The following SEMA5A variants were observed in gnomAD, a reference collection of about 807,000 sequenced individuals.
SEMA5A encodes the protein semaphorin 5A, also known as semaphorin-5A.
A neutral mutation model predicts 135.5 loss-of-function variants in SEMA5A; 55 were observed. That is an observed-to-expected ratio of 0.41 (90% CI 0.33 to 0.51). The LOEUF (loss-of-function observed/expected upper bound fraction) is 0.51, where lower values mean the gene tolerates loss of function less well. Among genes scored for constraint, SEMA5A ranks in the 20% least tolerant of loss-of-function variants. SEMA5A has a pLI of 0.37. For missense variants in SEMA5A, 1,290 were observed against 1,419.9 expected (o/e 0.91, Z 1.47); for synonymous variants, 580 against 546.5 (o/e 1.06, Z -0.85).
intron 2 of SEMA5A, among the ~76,000 whole-genome samples, chr5:9,391,859 C>T (rs1398210254): frequency 6.6e-6 from 1 of 152,118 alleles, no homozygotes; most frequent in Non-Finnish European, 1.5e-5. Flanking sequence ...CTCTTTGCAA[C>T]CTCCCTAAAA....
chr5:9,477,877 T>C (rs1456844019), intron 1 of SEMA5A, among the ~76,000 whole-genome samples: 3 of 152,178 alleles, frequency 2.0e-5, no homozygotes, highest in Non-Finnish European at 4.4e-5. Flanking sequence ...CTGCAGAAAT[T>C]TGCATAAGCA....
chr5:9,469,529 C>T lies in SEMA5A; in HGVS notation c.-174-31677G>A, dbSNP rs1759396857. On this transcript the variant is annotated intron_variant, in intron 1 of 22. Coordinates refer to ENST00000382496, the MANE Select transcript of SEMA5A (RefSeq NM_003966.3). ...TTGCAAGCAAGGTGTCCCCATTTCA[C>T]ATTTGAGAAAAATGAGGCTCAAAAA... is the stretch of plus-strand genomic sequence containing the variant. Among the ~76,000 whole-genome samples, 3 of 152,166 alleles carry T rather than the reference C, an allele frequency of 2.0e-5. No individual in the cohort carries two copies. The South Asian group carries it at 6.2e-4, about 32-fold the overall frequency.
chr5:9,309,681 C>T (rs892951863), intron 5 of SEMA5A, among the ~76,000 whole-genome samples: 2 of 152,064 alleles, frequency 1.3e-5, no homozygotes, highest in Admixed American at 6.6e-5. Context: ...AAGTCTTCTG[C>T]ATGTGAATGT....
chr5:9,135,573 C>T (rs983999528), intron 13 of SEMA5A, among the ~76,000 whole-genome samples: 7 of 152,190 alleles, frequency 4.6e-5, no homozygotes, highest in South Asian at 2.1e-4. Context: ...AACAGGCTGA[C>T]TGTTGCAACG....
chr5:9,234,445 AC>A (rs748909177), intron 6 of SEMA5A, among the ~76,000 whole-genome samples: 3 of 152,194 alleles, frequency 2.0e-5, no homozygotes, highest in Admixed American at 6.5e-5. Context: ...TCCTCTCACC[AC>A]CCATGAACCA....
chr5:9,194,249 G>GA (rs1475607422), intron 10 of SEMA5A, among the ~76,000 whole-genome samples: 12 of 152,140 alleles, frequency 7.9e-5, no homozygotes, highest in African/African-American at 1.7e-4. Flanking sequence ...TATTTTGTCC[G>GA]AAAAAAATGA....
chr5:9,333,999 T>C (rs970278584), intron 4 of SEMA5A, among the ~76,000 whole-genome samples: 2 of 152,106 alleles, frequency 1.3e-5, no homozygotes, highest in Non-Finnish European at 2.9e-5. Flanking sequence ...AATGTATGAC[T>C]TCTTCCAGAA....
chr5:9,359,674 C>T (rs1754604789), intron 3 of SEMA5A, among the ~76,000 whole-genome samples: 1 of 152,162 alleles, frequency 6.6e-6, no homozygotes, highest in Admixed American at 6.5e-5. Flanking sequence ...TAACCAATTC[C>T]AATTAATTCC....
intron 18 of SEMA5A, 134 bp downstream of exon 18, chr5:9,062,753 G>T: frequency 1.1e-6 from 1 of 877,868 alleles, no homozygotes; most frequent in Non-Finnish European, 1.8e-6. Flanking sequence ...GAGCAACCAC[G>T]CATAGCCAAG....
intron 1 of SEMA5A, among the ~76,000 whole-genome samples, chr5:9,511,134 T>C (rs1736182969): frequency 6.6e-6 from 1 of 152,212 alleles, no homozygotes; most frequent in South Asian, 2.1e-4. Context: ...ATGGAATTCA[T>C]TTACAATGAA....
At chr5:9,207,908 G>C (rs1345756230) in intron 8 of SEMA5A, among the ~76,000 whole-genome samples, 2 of 83,452 alleles carry the variant, frequency 2.4e-5, no homozygotes, top group Admixed American at 2.4e-4. Context: ...TACATAGATA[G>C]ATAGATAATA....
intron 3 of SEMA5A, among the ~76,000 whole-genome samples, chr5:9,359,440 G>C (rs16882530): frequency 0.042 from 6,448 of 152,246 alleles, 435 homozygotes; most frequent in African/African-American, 0.15. Context: ...TTGGCTTGGT[G>C]TTTATCCAGT....
intron 1 of SEMA5A, among the ~76,000 whole-genome samples, chr5:9,510,590 C>T (rs989468739): frequency 3.9e-5 from 6 of 152,014 alleles, no homozygotes; most frequent in African/African-American, 1.4e-4. Flanking sequence ...TTTTAAGGAA[C>T]TATATAAGTT....
At chr5:9,482,513 A>G (rs780852241) in intron 1 of SEMA5A, among the ~76,000 whole-genome samples, 3 of 152,172 alleles carry the variant, frequency 2.0e-5, no homozygotes, top group Admixed American at 6.5e-5. Context: ...ATACAATAAC[A>G]GGTGATGTGG....
In SEMA5A at chr5:9,379,834, A is replaced by C. The variant is rs1475293610; in HGVS notation, c.113T>G (p.Ile38Ser). The C allele has an allele frequency of 6.2e-7, 1 of 1,613,644 alleles. No homozygotes were observed. The highest frequency in any genetic ancestry group is 8.5e-7 in the Non-Finnish European group (1 of 1,179,934). Reference protein sequence around the residue: ...TQCQRTEHPVISYKEIGPWLR... With the variant: ...TQCQRTEHPVSSYKEIGPWLR... Reference sequence around the variant, plus strand: ...TGCTGGTTCCTTACCTTTATAGGAGATGACTGGATGCTCGGTTCTCTGGCA... The same window carrying C: ...TGCTGGTTCCTTACCTTTATAGGAGCTGACTGGATGCTCGGTTCTCTGGCA... The change falls in exon 3 of 23, where the codon ATC (isoleucine) becomes AGC (serine). Residue 38 changes from isoleucine (I) to serine (S), a missense_variant. By Grantham distance (142) the Ile-to-Ser change is moderately radical (BLOSUM62 -2). Coordinates refer to ENST00000382496, the MANE Select transcript of SEMA5A (RefSeq NM_003966.3).
intron 11 of SEMA5A, among the ~76,000 whole-genome samples, chr5:9,172,764 A>G (rs1743997551): frequency 6.6e-6 from 1 of 152,174 alleles, no homozygotes; most frequent in Non-Finnish European, 1.5e-5. Context: ...TTCTTAATAC[A>G]TATTTTCTGG....
intron 3 of SEMA5A, among the ~76,000 whole-genome samples, chr5:9,378,085 TTAATAATAA>T (rs1755442466): frequency 6.6e-6 from 1 of 152,150 alleles, no homozygotes; most frequent in African/African-American, 2.4e-5. Flanking sequence ...AATTCATGTA[TTAATAATAA>T]TTATAATAAT....
At chr5:9,521,160 A>T (rs187460022) in intron 1 of SEMA5A, among the ~76,000 whole-genome samples, 1 of 152,236 alleles carries the variant, frequency 6.6e-6, no homozygotes, top group Admixed American at 6.5e-5. Context: ...CTGTAATCCC[A>T]GCACTTTGGG....
intron 5 of SEMA5A, among the ~76,000 whole-genome samples, chr5:9,287,348 T>C (rs1320807160): frequency 1.3e-5 from 2 of 152,184 alleles, no homozygotes; most frequent in Non-Finnish European, 2.9e-5. Flanking sequence ...ACAATAGATA[T>C]TATTCAGTTT....
Sources: allele counts gnomAD v4.1 joint callset (sites outside exome capture counted in the v4.1 genomes callset), GRCh38; gene constraint gnomAD v4.1.1; transcripts MANE v1.5; gene names NCBI Gene and HGNC (gene_info 2026-07-23, HGNC 2026-07-21).